ZCCHC24: variants seen among roughly 807,000 people sequenced by gnomAD.
The protein encoded by ZCCHC24 is zinc finger CCHC-type containing 24.
ZCCHC24 carries 10 observed loss-of-function variants against 26.2 expected under a neutral mutation model. That is an observed-to-expected ratio of 0.38 (90% CI 0.24 to 0.65). The LOEUF (loss-of-function observed/expected upper bound fraction) is 0.65. ZCCHC24 is among the 30% of genes least tolerant of loss of function. ZCCHC24 has a pLI of 0.54. For synonymous variants in ZCCHC24, 144 were observed against 147.1 expected (o/e 0.98, Z 0.15); for missense variants, 243 against 329.1 (o/e 0.74, Z 2.03).
intron 2 of ZCCHC24, among the ~76,000 whole-genome samples, chr10:79,432,284 C>A (rs958198511): frequency 6.6e-6 from 1 of 152,264 alleles, no homozygotes; most frequent in Non-Finnish European, 1.5e-5. Context: ...AGGCACAGAA[C>A]CTCCTTTGGG....
intron 1 of ZCCHC24, among the ~76,000 whole-genome samples, chr10:79,437,276 C>T (rs1001660898): frequency 6.6e-6 from 1 of 152,128 alleles, no homozygotes; most frequent in Non-Finnish European, 1.5e-5. Flanking sequence ...AGGTCTCAAA[C>T]TCCTGGGCTC....
chr10:79,420,550 G>A (rs756291109), intron 2 of ZCCHC24, among the ~76,000 whole-genome samples: 13 of 152,170 alleles, frequency 8.5e-5, no homozygotes, highest in Non-Finnish European at 1.5e-4. Context: ...AGGCCGAGGC[G>A]GGCAGATCAC....
chr10:79,414,680 A>G (rs908713769), intron 2 of ZCCHC24, among the ~76,000 whole-genome samples: 1 of 152,196 alleles, frequency 6.6e-6, no homozygotes, highest in Non-Finnish European at 1.5e-5. Flanking sequence ...GCACCCCACC[A>G]TCTCAGACCT....
intron 2 of ZCCHC24, among the ~76,000 whole-genome samples, chr10:79,430,571 G>A (rs1389166028): frequency 6.6e-6 from 1 of 152,014 alleles, no homozygotes; most frequent in Non-Finnish European, 1.5e-5. Context: ...AAGATCCCAC[G>A]TTAGCACTGT....
At chr10:79,417,699 A>G (rs998549249) in intron 2 of ZCCHC24, among the ~76,000 whole-genome samples, 1 of 152,206 alleles carries the variant, frequency 6.6e-6, no homozygotes, top group Non-Finnish European at 1.5e-5. Context: ...GGTGAGTGTA[A>G]GAACCCAGCC....
chr10:79,392,218 T>C (rs1371017285), intron 3 of ZCCHC24, among the ~76,000 whole-genome samples: 3 of 152,136 alleles, frequency 2.0e-5, no homozygotes, highest in African/African-American at 7.2e-5. Flanking sequence ...GGCCTGCACC[T>C]GCCAGGCGAG....
At position 79,383,167 on chromosome 10, in the gene ZCCHC24, C is replaced by T. The variant is rs1467891686; in HGVS notation, c.*3178G>A. On this transcript the variant is annotated 3_prime_UTR_variant, in exon 4 of 4. Transcript: ENST00000372336. ...AAAAAAGGCAATACTTTCCAAAATA[C>T]ACATATGTATAAATACAGGACAAGA... 6.5e-6 allele frequency: 1 copy of T among 152,692 alleles called. No individual in the cohort carries two copies. Among genetic ancestry groups the T allele is most frequent in the Non-Finnish European group, 1.5e-5 (1 of 68,032 alleles). 9.5% of individuals were successfully genotyped at this position (152,692 alleles called of 1,614,324 possible).
chr10:79,391,262 G>C (rs1431894028), intron 3 of ZCCHC24, among the ~76,000 whole-genome samples: 5 of 152,168 alleles, frequency 3.3e-5, no homozygotes, highest in Non-Finnish European at 7.3e-5. Flanking sequence ...GGAGATGGGG[G>C]ACAGGTGGTC....
At chr10:79,437,304 C>T (rs1294531269) in intron 1 of ZCCHC24, among the ~76,000 whole-genome samples, 3 of 152,160 alleles carry the variant, frequency 2.0e-5, no homozygotes, top group Non-Finnish European at 2.9e-5. Context: ...CTGCCTGCCT[C>T]AGCCTCCCAA....
chr10:79,423,739 C>T (rs952435560), intron 2 of ZCCHC24, among the ~76,000 whole-genome samples: 11 of 149,924 alleles, frequency 7.3e-5, no homozygotes, highest in Non-Finnish European at 1.6e-4. Flanking sequence ...TATCTGTGGC[C>T]GGGTGCAGTT....
At chr10:79,418,143 G>T (rs911520397) in intron 2 of ZCCHC24, among the ~76,000 whole-genome samples, 2 of 152,212 alleles carry the variant, frequency 1.3e-5, no homozygotes, top group Non-Finnish European at 2.9e-5. Flanking sequence ...ACCCTCGCTC[G>T]CACACCTCTG....
chr10:79,423,581 C>CTATATATATATATTATA lies in ZCCHC24; in HGVS notation c.447+8976_447+8977insTATAATATATATATATA, dbSNP rs1554841868. ...AACAAAAACAAACAAAATATATATA[C>CTATATATATATATTATA]TATATATATATATATATATATATAT... On this transcript the variant is annotated intron_variant, in intron 2 of 3. Transcript: ENST00000372336. 9.3e-5 allele frequency among the ~76,000 whole-genome samples: 5 copies of CTATATATATATATTATA among 53,766 alleles called. 1 individual carries two copies. The East Asian group carries it at 6.7e-3, about 72-fold the overall frequency. The allele number at this position is 53,766 out of a possible 152,430, so 35.3% of individuals were successfully genotyped here.
intron 2 of ZCCHC24, among the ~76,000 whole-genome samples, chr10:79,431,362 G>T (rs1028963143): frequency 3.3e-5 from 5 of 152,196 alleles, no homozygotes; most frequent in African/African-American, 1.2e-4. Context: ...TGTATATTGA[G>T]GGGGAGGACA....
At chr10:79,423,654 CA>C (rs1276092373) in intron 2 of ZCCHC24, among the ~76,000 whole-genome samples, 1 of 123,838 alleles carries the variant, frequency 8.1e-6, no homozygotes, top group Non-Finnish European at 1.7e-5. Context: ...AGGCTGAGTT[CA>C]TAATTATATA....
chr10:79,404,321 A>G (rs1354391028), intron 2 of ZCCHC24, among the ~76,000 whole-genome samples: 1 of 152,206 alleles, frequency 6.6e-6, no homozygotes, highest in African/African-American at 2.4e-5. Flanking sequence ...AAGCAAAGAC[A>G]TTTTAATCAC....
intron 1 of ZCCHC24, chr10:79,443,977 G>A: frequency 7.9e-7 from 1 of 1,262,198 alleles, no homozygotes; most frequent in Non-Finnish European, 1.1e-6. Context: ...GCCTCCCCTA[G>A]TAAATAATGG....
chr10:79,403,618 T>TCAAGG, intron 2 of ZCCHC24: 22 of 984,660 alleles, frequency 2.2e-5, no homozygotes, highest in Non-Finnish European at 2.7e-5. Flanking sequence ...CTCTGGAGCC[T>TCAAGG]CAAGGGCCTC....
intron 2 of ZCCHC24, among the ~76,000 whole-genome samples, chr10:79,405,942 C>T (rs1431759485): frequency 1.3e-5 from 2 of 152,376 alleles, no homozygotes; most frequent in African/African-American, 4.8e-5. Flanking sequence ...GACTTCCAGC[C>T]TCGCAAAACC....
In ZCCHC24 at chr10:79,394,074, G is replaced by A. The variant is rs779535209; in HGVS notation, c.612+202C>T. On this transcript the variant is annotated intron_variant, in intron 3 of 3. Transcript: ENST00000372336. Reference sequence around the variant, plus strand: ...CTGTTCACTAGTTTTACAATTCCCCGGGGTTCTCTGGTCTCAAGATCTTGG... The same window carrying A: ...CTGTTCACTAGTTTTACAATTCCCCAGGGTTCTCTGGTCTCAAGATCTTGG... Among the ~76,000 whole-genome samples the A allele has an allele frequency of 2.6e-5, 4 of 152,274 alleles. No individual in the cohort carries two copies. In the Middle Eastern group the frequency reaches 0.01, roughly 388 times the overall value.
Sources: allele counts gnomAD v4.1 joint callset (sites outside exome capture counted in the v4.1 genomes callset), GRCh38; gene constraint gnomAD v4.1.1; transcripts MANE v1.5; gene names NCBI Gene and HGNC (gene_info 2026-07-23, HGNC 2026-07-21).